Variants in SMAP1 observed in about 807,000 individuals in gnomAD.
SMAP1 encodes the protein stromal membrane-associated protein 1.
Under a neutral mutation model 58.5 loss-of-function variants are expected in SMAP1, and 24 were observed. The observed-to-expected ratio is 0.41, with a 90% CI of 0.30 to 0.58. The LOEUF (loss-of-function observed/expected upper bound fraction) is 0.58, where lower values mean the gene tolerates loss of function less well. SMAP1 is among the 20% of genes least tolerant of loss of function. The pLI is 0.29. For missense variants in SMAP1, 563 were observed against 566.3 expected (o/e 0.99, Z 0.06); for synonymous variants, 216 against 196.6 (o/e 1.10, Z -0.82).
chr6:70,746,260 AG>A (rs1432085423), intron 2 of SMAP1, among the ~76,000 whole-genome samples: 4 of 152,314 alleles, frequency 2.6e-5, no homozygotes, highest in Non-Finnish European at 4.4e-5. Flanking sequence ...CAGTTTTCAC[AG>A]GGAATGCTTC....
chr6:70,788,052 A>C (rs902478157), intron 4 of SMAP1, among the ~76,000 whole-genome samples: 13 of 152,214 alleles, frequency 8.5e-5, no homozygotes, highest in Admixed American at 8.5e-4. Context: ...AACCAACCCA[A>C]ATGTCCAACA....
intron 8 of SMAP1, 137 bp from the exon 9 acceptor site, chr6:70,856,722 C>A: frequency 2.5e-6 from 2 of 804,196 alleles, no homozygotes; most frequent in South Asian, 2.5e-5. Context: ...GTAAGTGATC[C>A]TCTTGAATGG....
intron 4 of SMAP1, among the ~76,000 whole-genome samples, chr6:70,780,880 GTGAAATAAGGATGTCATAGTGTC>G (rs1338224867): frequency 6.6e-6 from 1 of 152,144 alleles, no homozygotes; most frequent in Non-Finnish European, 1.5e-5. Flanking sequence ...TTCCTCTTCT[GTGAAATAAGGATGTCATAGTGTC>G]TGAATTTCAT....
In SMAP1 at chr6:70,773,379, A is replaced by T; in HGVS notation, c.368A>T (p.Tyr123Phe). 2 of 1,574,726 alleles carry T rather than the reference A, an allele frequency of 1.3e-6. No individual in the cohort carries two copies. Among genetic ancestry groups the T allele is most frequent in the Non-Finnish European group, 1.7e-6 (2 of 1,151,416 alleles). ...QAVEFFIRDKYEKKKYYDKNA... is the reference protein window; with the variant it reads ...QAVEFFIRDKFEKKKYYDKNA... ...GTGGAATTTTTCATCAGAGATAAATATGAAAAGAAGAAATACTACGATAAA... is the reference window on the plus strand; with the variant it reads ...GTGGAATTTTTCATCAGAGATAAATTTGAAAAGAAGAAATACTACGATAAA... The change falls in exon 4 of 11, where the codon TAT (tyrosine) becomes TTT (phenylalanine). Residue 123 changes from tyrosine (Y) to phenylalanine (F), a missense_variant. By Grantham distance (22) the Tyr-to-Phe change is conservative. Coordinates refer to ENST00000370455, the MANE Select transcript of SMAP1 (RefSeq NM_001044305.3).
chr6:70,757,528 TTAAAC>T (rs1766547804), intron 3 of SMAP1, among the ~76,000 whole-genome samples: 2 of 151,718 alleles, frequency 1.3e-5, no homozygotes, highest in African/African-American at 2.4e-5. Flanking sequence ...TGGGATCTAA[TTAAAC>T]TAAAGAGCTT....
intron 6 of SMAP1, among the ~76,000 whole-genome samples, chr6:70,831,808 G>C (rs1426626750): frequency 6.6e-6 from 1 of 152,150 alleles, no homozygotes; most frequent in Admixed American, 6.5e-5. Context: ...GGGTCAAATG[G>C]TAATTCCATT....
At chr6:70,834,972 G>A (rs376501373) in intron 6 of SMAP1, among the ~76,000 whole-genome samples, 93 of 152,124 alleles carry the variant, frequency 6.1e-4, no homozygotes, top group African/African-American at 1.9e-3. Flanking sequence ...GAATTGGGCC[G>A]GGCGCAGTGG....
chr6:70,812,482 T>A (rs1769434096), intron 6 of SMAP1, among the ~76,000 whole-genome samples: 1 of 152,192 alleles, frequency 6.6e-6, no homozygotes. Flanking sequence ...GCCGTACACT[T>A]TGTTATTCTT....
chr6:70,688,272 A>G (rs1171443268), intron 1 of SMAP1, among the ~76,000 whole-genome samples: 1 of 152,112 alleles, frequency 6.6e-6, no homozygotes, highest in Non-Finnish European at 1.5e-5. Flanking sequence ...ACATTTTTGT[A>G]TAGATTTTTG....
At chr6:70,837,419 T>A (rs192471741) in intron 7 of SMAP1, among the ~76,000 whole-genome samples, 93 of 152,284 alleles carry the variant, frequency 6.1e-4, no homozygotes, top group Non-Finnish European at 1.1e-3. Context: ...GTAGCCTTAT[T>A]GTAAAATACG....
chr6:70,852,783 C>T, intron 8 of SMAP1, 119 bp downstream of exon 8: 1 of 1,212,396 alleles, frequency 8.2e-7, no homozygotes, highest in Non-Finnish European at 1.1e-6. Context: ...GTCTCCTGTT[C>T]TTTAGGCTAG....
intron 6 of SMAP1, among the ~76,000 whole-genome samples, chr6:70,820,491 C>T (rs1769838654): frequency 6.6e-6 from 1 of 152,122 alleles, no homozygotes; most frequent in African/African-American, 2.4e-5. Context: ...GCGGGCGGAT[C>T]ATGAGGTCAG....
intron 4 of SMAP1, among the ~76,000 whole-genome samples, chr6:70,787,610 A>C (rs1582186941): frequency 6.6e-6 from 1 of 152,140 alleles, no homozygotes; most frequent in Non-Finnish European, 1.5e-5. Flanking sequence ...CAGGAAAAAA[A>C]CAAACAACCC....
intron 3 of SMAP1, among the ~76,000 whole-genome samples, chr6:70,767,762 C>A (rs1057393310): frequency 1.4e-5 from 2 of 139,402 alleles, no homozygotes; most frequent in Non-Finnish European, 3.1e-5. Flanking sequence ...TGCCTAATTG[C>A]CCTGGCCAGA....
intron 3 of SMAP1, among the ~76,000 whole-genome samples, chr6:70,770,868 A>C (rs1044506273): frequency 6.6e-6 from 1 of 151,668 alleles, no homozygotes; most frequent in Non-Finnish European, 1.5e-5. Flanking sequence ...TTTTTTCCCC[A>C]TCTTTGTGGT....
intron 3 of SMAP1, among the ~76,000 whole-genome samples, chr6:70,764,964 C>A (rs577608029): frequency 4.3e-4 from 65 of 152,214 alleles, no homozygotes; most frequent in African/African-American, 1.4e-3. Flanking sequence ...CCACACCCAG[C>A]TGATTTTTGT....
At chr6:70,755,817 T>A (rs1489498766) in intron 3 of SMAP1, among the ~76,000 whole-genome samples, 1 of 152,000 alleles carries the variant, frequency 6.6e-6, no homozygotes, top group Non-Finnish European at 1.5e-5. Flanking sequence ...ATATATTCTT[T>A]GATTACCTTT....
chr6:70,728,811 A>G (rs144332768), intron 1 of SMAP1, among the ~76,000 whole-genome samples: 1 of 152,338 alleles, frequency 6.6e-6, no homozygotes, highest in East Asian at 1.9e-4. Context: ...TGGTAATGGA[A>G]TTCAGATTGG....
intron 7 of SMAP1, among the ~76,000 whole-genome samples, chr6:70,843,375 C>G (rs1291398599): frequency 6.6e-6 from 1 of 152,154 alleles, no homozygotes; most frequent in Non-Finnish European, 1.5e-5. Context: ...ATACTGCTAA[C>G]TAGATGCCAG....
Sources: gnomAD v4.1 joint callset for allele counts (sites outside exome capture counted in the v4.1 genomes callset) on GRCh38, gnomAD v4.1.1 for gene constraint, MANE v1.5 for transcripts, NCBI Gene and HGNC (gene_info 2026-07-23, HGNC 2026-07-21) for gene names.